Variants in ADA observed in about 807,000 individuals in gnomAD.
The protein encoded by ADA is adenosine deaminase, also known as adenosine aminohydrolase.
Under a neutral mutation model 49.0 loss-of-function variants are expected in ADA, and 45 were observed. That is an observed-to-expected ratio of 0.92 (90% confidence interval 0.72 to 1.18). ADA has a LOEUF of 1.18. Among genes scored for constraint, ADA ranks in the 50% most tolerant of loss-of-function variants. The probability of loss-of-function intolerance (pLI) is 0.00; values close to 1 mark genes in which losing one functional copy is unlikely to be tolerated. For missense variants in ADA, 445 were observed against 472.5 expected, an observed-to-expected ratio of 0.94 and a Z score of 0.54; for synonymous variants, 173 against 184.2, an observed-to-expected ratio of 0.94 and a Z score of 0.49.
At chr20:44,645,808 C>T (rs1000735560) in intron 1 of ADA, among the ~76,000 whole-genome samples, 1 of 152,136 alleles carries the variant, frequency 6.6e-6, no homozygotes, top group Non-Finnish European at 1.5e-5. Context: ...GCTCCTCTAG[C>T]TGGAAAGTGG....
chr20:44,651,689 C>G lies in ADA; in HGVS notation c.-82G>C. On this transcript the variant is annotated 5_prime_UTR_variant, in exon 1 of 12. Transcript: ENST00000372874. ...CGGCTCGGTGGCCGCTCGGCTTTCC[C>G]TGGGGCCAGCGGTGGCCGCGGCCGG... 7.0e-7 allele frequency: 1 copy of G among 1,419,818 alleles called. No individual in the cohort carries two copies. The highest frequency in any genetic ancestry group is 9.2e-7 in the Non-Finnish European group (1 of 1,092,502). The allele number at this position is 1,419,818 out of a possible 1,614,324, so 88.0% of individuals were successfully genotyped here.
At chr20:44,620,505 C>A in intron 10 of ADA, 104 bp from the exon 11 acceptor site, 1 of 958,396 alleles carries the variant, frequency 1.0e-6, no homozygotes, top group South Asian at 1.3e-5. Flanking sequence ...TGGGCAGATA[C>A]GCTTAGAGGG....
intron 3 of ADA, among the ~76,000 whole-genome samples, chr20:44,627,828 C>T (rs2065396901): frequency 6.6e-6 from 1 of 152,154 alleles, no homozygotes. Flanking sequence ...GATCCTTGTG[C>T]CCACACTTAT....
intron 2 of ADA, among the ~76,000 whole-genome samples, chr20:44,634,612 G>A (rs1336776481): frequency 6.6e-6 from 1 of 152,258 alleles, no homozygotes. Context: ...GCACTTAAAG[G>A]AGTGTTTGGC....
At chr20:44,642,013 C>A (rs1269304353) in intron 1 of ADA, among the ~76,000 whole-genome samples, 2 of 147,968 alleles carry the variant, frequency 1.4e-5, no homozygotes. Context: ...GGTGATCCAC[C>A]CACCTAGGCC....
intron 2 of ADA, among the ~76,000 whole-genome samples, chr20:44,635,182 G>T (rs930391812): frequency 6.6e-6 from 1 of 152,182 alleles, no homozygotes; most frequent in African/African-American, 2.4e-5. Context: ...TGAGGTCTGG[G>T]TAGGAAGGGA....
Position 44,619,801 on chromosome 20 carries a change from T to G in ADA, c.*33A>C. On this transcript the variant is annotated 3_prime_UTR_variant, in exon 12 of 12. Transcript: ENST00000372874. ...CTCAGCCCCACAGAGTTGGGGTGACTCCACAGGGTGAAGGCTTGGAGGAGT... is the reference window on the plus strand; with the variant it reads ...CTCAGCCCCACAGAGTTGGGGTGACGCCACAGGGTGAAGGCTTGGAGGAGT... 6.2e-7 allele frequency: 1 copy of G among 1,614,116 alleles called. No homozygotes were observed. The highest frequency in any genetic ancestry group is 8.5e-7 in the Non-Finnish European group (1 of 1,179,982).
intron 1 of ADA, among the ~76,000 whole-genome samples, chr20:44,639,359 G>A (rs6103796): frequency 0.011 from 1,658 of 151,774 alleles, 25 homozygotes; most frequent in African/African-American, 0.037. Flanking sequence ...GGGAGGATGC[G>A]GGGGAGGGAG....
chr20:44,644,264 G>C (rs193180781), intron 1 of ADA, among the ~76,000 whole-genome samples: 2 of 152,058 alleles, frequency 1.3e-5, no homozygotes, highest in Non-Finnish European at 2.9e-5. Context: ...TAACATGTCT[G>C]TCTCCCTCAT....
chr20:44,636,307 A>AAGAG lies in ADA; in HGVS notation c.34-23_34-20dup. 6.4e-7 allele frequency: 1 copy of AAGAG among 1,567,650 alleles called. No individual in the cohort carries two copies. The highest frequency in any genetic ancestry group is 2.3e-5 in the East Asian group (1 of 44,072). Reference sequence around the variant, plus strand: ...GTTCCACCTGCAAGGGGGCAGGGGGAAGAGAGAGAGAAAGGGAGAGAGAGA... The same window carrying AAGAG: ...GTTCCACCTGCAAGGGGGCAGGGGGAAGAGAGAGAGAGAGAAAGGGAGAGAGAGA... On this transcript the variant is annotated intron_variant, in intron 1 of 11. Coordinates refer to ENST00000372874, the MANE Select transcript of ADA (RefSeq NM_000022.4).
At chr20:44,640,415 A>G (rs965833915) in intron 1 of ADA, among the ~76,000 whole-genome samples, 1 of 147,106 alleles carries the variant, frequency 6.8e-6, no homozygotes, top group Non-Finnish European at 1.5e-5. Flanking sequence ...ACTCCCTCTC[A>G]AAAAAAAAAT....
At chr20:44,650,838 C>T (rs1046728537) in intron 1 of ADA, among the ~76,000 whole-genome samples, 1 of 152,176 alleles carries the variant, frequency 6.6e-6, no homozygotes, top group Non-Finnish European at 1.5e-5. Flanking sequence ...TTGGCAGACT[C>T]CTGGGCCCCT....
At chr20:44,629,284 G>T in intron 2 of ADA, 115 bp from the exon 3 acceptor site, 1 of 1,465,576 alleles carries the variant, frequency 6.8e-7, no homozygotes, top group Non-Finnish European at 9.3e-7. Context: ...CACAGCAGGA[G>T]ACATGGGCGT....
chr20:44,646,710 C>T (rs935995553), intron 1 of ADA, among the ~76,000 whole-genome samples: 1 of 152,044 alleles, frequency 6.6e-6, no homozygotes, highest in Admixed American at 6.5e-5. Context: ...AAGCGGCAGG[C>T]AGGAATTCAA....
intron 2 of ADA, among the ~76,000 whole-genome samples, chr20:44,635,702 C>T (rs142663553): frequency 2.2e-3 from 331 of 152,232 alleles, no homozygotes; most frequent in Non-Finnish European, 3.9e-3. Context: ...AGTTCGAGAC[C>T]AGCCTGGCCA....
At chr20:44,633,551 C>A (rs1489112969) in intron 2 of ADA, among the ~76,000 whole-genome samples, 1 of 152,134 alleles carries the variant, frequency 6.6e-6, no homozygotes, top group Non-Finnish European at 1.5e-5. Flanking sequence ...CTGGGAAGAC[C>A]ATGGGTTAAG....
chr20:44,646,284 G>C (rs962988649), intron 1 of ADA, among the ~76,000 whole-genome samples: 3 of 150,798 alleles, frequency 2.0e-5, no homozygotes, highest in African/African-American at 7.5e-5. Context: ...AAAAGGCTTC[G>C]ATGAAACTCA....
chr20:44,628,818 GC>G (rs925472882), intron 3 of ADA, among the ~76,000 whole-genome samples: 13 of 151,776 alleles, frequency 8.6e-5, no homozygotes, highest in African/African-American at 2.9e-4. Context: ...CCCATATTCT[GC>G]CATTTCTCTG....
chr20:44,643,135 G>A (rs1445398790), intron 1 of ADA, among the ~76,000 whole-genome samples: 6 of 152,158 alleles, frequency 3.9e-5, no homozygotes, highest in Non-Finnish European at 2.9e-5. Context: ...ATGGGGTGGC[G>A]ACCCCGCTCT....
Sources: gnomAD v4.1 joint callset for allele counts (sites outside exome capture counted in the v4.1 genomes callset) on GRCh38, gnomAD v4.1.1 for gene constraint, MANE v1.5 for transcripts, NCBI Gene and HGNC (gene_info 2026-07-23, HGNC 2026-07-21) for gene names.